SPMIP4: variants seen among roughly 807,000 people sequenced by gnomAD.
SPMIP4 encodes the protein sperm microtubule inner protein 4, also known as sperm-associated microtubule inner protein 4.
the SPMIP4 span, chr7:25,136,729 A>G: frequency 6.2e-7 from 1 of 1,614,192 alleles, no homozygotes; most frequent in South Asian, 1.1e-5. The surrounding 1 kb of genome is among the most constrained non-coding windows in gnomAD (Gnocchi z 5.7). Flanking sequence ...TCGGTTCTGA[A>G]TTAATCGGGC....
chr7:25,179,255 G>C, the SPMIP4 span: 6 of 1,613,698 alleles, frequency 3.7e-6, no homozygotes, highest in Non-Finnish European at 5.1e-6. Context: ...TGGACAGTAT[G>C]TCAGCTCCTT....
the SPMIP4 span, among the ~76,000 whole-genome samples, chr7:25,162,269 TCAAA>T: frequency 3.8e-4 from 40 of 104,082 alleles, no homozygotes; most frequent in Admixed American, 9.0e-4. Context: ...AAACTCTGTC[TCAAA>T]AAAAAAAAAA....
chr7:25,142,827 C>A, the SPMIP4 span: 1 of 1,493,424 alleles, frequency 6.7e-7, no homozygotes. Context: ...AAAATATGAA[C>A]ATAAAGATTA....
At chr7:25,141,866 C>T in the SPMIP4 span, among the ~76,000 whole-genome samples, 91,106 of 151,550 alleles carry the variant, frequency 0.6, 28,459 homozygotes, top group Non-Finnish European at 0.69. Flanking sequence ...GCCTCCTGAG[C>T]AGCTGGGAGT....
the SPMIP4 span, among the ~76,000 whole-genome samples, chr7:25,139,217 T>C: frequency 5.7e-4 from 87 of 152,240 alleles, 1 homozygote; most frequent in South Asian, 6.0e-3. Context: ...ACATGCTGCA[T>C]GTTTAGGAGT....
chr7:25,157,111 A>T, the SPMIP4 span, among the ~76,000 whole-genome samples: 1 of 152,230 alleles, frequency 6.6e-6, no homozygotes, highest in Non-Finnish European at 1.5e-5. Context: ...TCAAAAGAAT[A>T]TAGGAGCGAA....
the SPMIP4 span, among the ~76,000 whole-genome samples, chr7:25,176,669 A>T: frequency 2.0e-5 from 3 of 152,236 alleles, no homozygotes; most frequent in East Asian, 5.8e-4. The surrounding 1 kb of genome is among the most constrained non-coding windows in gnomAD (Gnocchi z 4.4). Flanking sequence ...AGTGGTTATT[A>T]TCTCTGGATA....
the SPMIP4 span, among the ~76,000 whole-genome samples, chr7:25,146,276 G>T: frequency 6.6e-6 from 1 of 152,184 alleles, no homozygotes; most frequent in East Asian, 1.9e-4. Flanking sequence ...TTGGATAACA[G>T]CGCTGCCTGA....
the SPMIP4 span, among the ~76,000 whole-genome samples, chr7:25,128,305 C>T: frequency 6.6e-6 from 1 of 152,248 alleles, no homozygotes; most frequent in African/African-American, 2.4e-5. The surrounding 1 kb of genome is among the most constrained non-coding windows in gnomAD (Gnocchi z 4.5). Flanking sequence ...TCTCCATCTT[C>T]AAGTAGGTCC....
the SPMIP4 span, among the ~76,000 whole-genome samples, chr7:25,128,364 C>T: frequency 3.3e-5 from 5 of 152,338 alleles, no homozygotes; most frequent in Admixed American, 2.0e-4. This position sits in a 1 kb window ranked among gnomAD's most constrained non-coding sequence, Gnocchi z 4.5. Context: ...CCTTAGGAAT[C>T]TACCTGGTAC....
chr7:25,161,264 AAAAG>A, the SPMIP4 span: 1 of 1,428,280 alleles, frequency 7.0e-7, no homozygotes, highest in Non-Finnish European at 9.7e-7. Context: ...AAGCTTTCTG[AAAAG>A]AAAGAAAAGA....
At chr7:25,168,369 G>T in the SPMIP4 span, 2 of 1,613,440 alleles carry the variant, frequency 1.2e-6, no homozygotes, top group Non-Finnish European at 1.7e-6. Context: ...TTGGCCTGTG[G>T]TCCTCGGGGA....
the SPMIP4 span, among the ~76,000 whole-genome samples, chr7:25,141,602 G>C: frequency 7.5e-6 from 1 of 132,650 alleles, no homozygotes; most frequent in African/African-American, 2.9e-5. Flanking sequence ...AAAAAGCAAA[G>C]ATCTACGGAA....
the SPMIP4 span, among the ~76,000 whole-genome samples, chr7:25,164,225 C>T: frequency 5.7e-4 from 87 of 152,274 alleles, no homozygotes; most frequent in Middle Eastern, 0.027. Context: ...TCCCCAGCTA[C>T]CTCGAGCTTT....
At chr7:25,151,546 T>C in the SPMIP4 span, 6 of 1,198,146 alleles carry the variant, frequency 5.0e-6, no homozygotes, top group Non-Finnish European at 7.4e-6. Flanking sequence ...AGGTATTGAC[T>C]AAAAATATTT....
chr7:25,179,401 C>T, the SPMIP4 span: 2 of 1,398,306 alleles, frequency 1.4e-6, no homozygotes, highest in African/African-American at 1.4e-5. Context: ...TTTTACACTG[C>T]TAAATTGTTC....
chr7:25,151,737 AG>A, the SPMIP4 span: 11 of 946,746 alleles, frequency 1.2e-5, no homozygotes, highest in African/African-American at 9.8e-5. Context: ...GAGGATTAAT[AG>A]GTACAATAAA....
At chr7:25,161,301 T>C in the SPMIP4 span, 4 of 1,143,044 alleles carry the variant, frequency 3.5e-6, 1 homozygote, top group Admixed American at 2.3e-5. Context: ...TGTTTTAAAA[T>C]TAACACAATA....
chr7:25,148,612 T>C, the SPMIP4 span, among the ~76,000 whole-genome samples: 1 of 151,680 alleles, frequency 6.6e-6, no homozygotes. Context: ...GTAGCTGAGG[T>C]TACAGGCATG....
Sources: allele counts gnomAD v4.1 joint callset (sites outside exome capture counted in the v4.1 genomes callset), GRCh38; gene constraint gnomAD v4.1.1; non-coding constraint Gnocchi (gnomAD v3.1); transcripts MANE v1.5; gene names NCBI Gene and HGNC (gene_info 2026-07-23, HGNC 2026-07-21).